BMP1: variants seen among roughly 807,000 people sequenced by gnomAD.
BMP1 encodes bone morphogenetic protein 1.
BMP1 carries 63 observed loss-of-function variants against 116.8 expected under a neutral mutation model. The ratio of observed to expected loss-of-function variants is 0.54; its 90% confidence interval spans 0.44 to 0.67. The LOEUF (loss-of-function observed/expected upper bound fraction) is 0.67. BMP1 is among the 30% of genes least tolerant of loss of function. The probability of loss-of-function intolerance (pLI) is 0.00; values close to 1 mark genes in which losing one functional copy is unlikely to be tolerated. For missense variants in BMP1, 1,183 were observed against 1,358.9 expected (o/e 0.87, Z 2.04); for synonymous variants, 536 against 533.4 (o/e 1.00, Z -0.07).
At chr8:22,184,971 TAG>T (rs549625607) in intron 8 of BMP1, among the ~76,000 whole-genome samples, 7 of 152,228 alleles carry the variant, frequency 4.6e-5, no homozygotes, top group Non-Finnish European at 1.0e-4. Context: ...ATGTGAATGA[TAG>T]GTAAATCTTG....
chr8:22,211,501 C>G (rs946892034), intron 19 of BMP1, 93 bp from the exon 20 acceptor site: 42 of 1,549,146 alleles, frequency 2.7e-5, no homozygotes, highest in Non-Finnish European at 3.6e-5. Flanking sequence ...TGCCTGGGAG[C>G]CTCCTGCCCT....
chr8:22,199,712 T>C (rs1300810072), intron 15 of BMP1, among the ~76,000 whole-genome samples: 1 of 152,070 alleles, frequency 6.6e-6, no homozygotes, highest in South Asian at 2.1e-4. Flanking sequence ...TCACTGGAGA[T>C]GTTGTCCTTA....
intron 1 of BMP1, among the ~76,000 whole-genome samples, chr8:22,172,090 C>T (rs943230676): frequency 6.6e-6 from 1 of 152,134 alleles, no homozygotes; most frequent in Non-Finnish European, 1.5e-5. Context: ...ACCAGTGAGG[C>T]CAACTGGGGA....
intron 6 of BMP1, among the ~76,000 whole-genome samples, chr8:22,178,999 C>T (rs1401492431): frequency 6.6e-6 from 1 of 152,174 alleles, no homozygotes; most frequent in Non-Finnish European, 1.5e-5. Flanking sequence ...CTTACATTTC[C>T]CACCACATCC....
At chr8:22,169,915 T>G (rs1316436147) in intron 1 of BMP1, 1 of 152,114 alleles carries the variant, frequency 6.6e-6, no homozygotes, top group Non-Finnish European at 1.5e-5. Flanking sequence ...TTATCTTGTG[T>G]TGAAAATAAC....
intron 1 of BMP1, chr8:22,170,695 C>G (rs1401996854): frequency 6.6e-6 from 1 of 152,208 alleles, no homozygotes; most frequent in Non-Finnish European, 1.5e-5. Flanking sequence ...TAGCTTATGC[C>G]TGTAATCCCA....
chr8:22,208,498 G>A (rs536836156), intron 18 of BMP1, among the ~76,000 whole-genome samples: 5 of 152,330 alleles, frequency 3.3e-5, no homozygotes, highest in African/African-American at 4.8e-5. Flanking sequence ...AAGGCACCCC[G>A]GCCTAACTGG....
chr8:22,169,783 G>A (rs1345235555), intron 1 of BMP1: 1 of 152,178 alleles, frequency 6.6e-6, no homozygotes, highest in Non-Finnish European at 1.5e-5. Flanking sequence ...CCTGGGGGAG[G>A]AGACGGTGGA....
At chr8:22,177,821 T>C (rs763847405) in intron 5 of BMP1, 31 bp from the exon 6 acceptor site, 1 of 1,467,732 alleles carries the variant, frequency 6.8e-7, no homozygotes, top group Non-Finnish European at 9.5e-7. Flanking sequence ...CCCCCTCCTC[T>C]CCCCCCACAC....
Position 22,165,568 on chromosome 8 carries a change from G to C in BMP1, c.148+15G>C. ...CTGCAAGGCGGGTGAGCGCCCCCCG[G>C]CCCCCCGGCGACGGGCCAGGCGGGG... On this transcript the variant is annotated intron_variant, in intron 1 of 19. Coordinates refer to ENST00000306385, the MANE Select transcript of BMP1 (RefSeq NM_006129.5). 6.4e-7 allele frequency: 1 copy of C among 1,570,894 alleles called. No homozygotes were observed. Among genetic ancestry groups the C allele is most frequent in the Non-Finnish European group, 8.6e-7 (1 of 1,162,674 alleles).
At chr8:22,202,058 C>T in intron 16 of BMP1, 130 bp downstream of exon 16, 1 of 1,315,454 alleles carries the variant, frequency 7.6e-7, no homozygotes, top group Non-Finnish European at 1.0e-6. Context: ...CCCCTCATTC[C>T]CCCACCCACC....
rs536903643 is a variant in BMP1, at chr8:22,198,652, C to T, written c.2107+1232C>T. 5.1e-5 allele frequency: 8 copies of T among 157,990 alleles called. No individual in the cohort carries two copies. In the South Asian group the frequency reaches 9.2e-4, roughly 18 times the overall value. The allele number at this position is 157,990 out of a possible 1,614,324, so 9.8% of individuals were successfully genotyped here. On this transcript the variant is annotated intron_variant, in intron 15 of 19. Transcript: ENST00000306385. ...GGCAGGAAGGCAGGATGCCCACGGC[C>T]GAGTCCATGCTGCCTTCCTTCTCCC...
chr8:22,194,817 G>A lies in BMP1; in HGVS notation c.1537G>A (p.Glu513Lys). ...STLIGRYCGY[E>K]KPDDIKSTSS... The stretch of plus-strand genomic sequence containing the variant: ...CCTCATCGGGCGCTACTGTGGCTAT[G>A]AGAAGCCTGATGACATCAAGAGCAC... Residue 513 changes from glutamate (E) to lysine (K), a missense_variant, in exon 12 of 20, where the codon GAG becomes AAG. Transcript: ENST00000306385. The surrounding 1 kb of genome is among the most constrained non-coding windows in gnomAD (Gnocchi z 4.5). 1 of 1,613,982 alleles carries A rather than the reference G, an allele frequency of 6.2e-7. No individual in the cohort carries two copies. Among genetic ancestry groups the A allele is most frequent in the Non-Finnish European group, 8.5e-7 (1 of 1,179,980 alleles).
chr8:22,186,909 A>G (rs2131866746), intron 8 of BMP1, among the ~76,000 whole-genome samples: 1 of 152,358 alleles, frequency 6.6e-6, no homozygotes, highest in South Asian at 2.1e-4. Context: ...ATATACATAA[A>G]GTCCCTGGAG....
chr8:22,199,075 C>T (rs1234266513), intron 15 of BMP1: 1 of 1,366,148 alleles, frequency 7.3e-7, no homozygotes, highest in Non-Finnish European at 9.8e-7. Context: ...GGAGTTACTG[C>T]TCTGCCCCCA....
chr8:22,178,972 A>C (rs1479304734), intron 6 of BMP1, among the ~76,000 whole-genome samples: 3 of 151,826 alleles, frequency 2.0e-5, no homozygotes, highest in African/African-American at 7.3e-5. Context: ...TCTGCCCCCC[A>C]CACCCACAGA....
chr8:22,194,013 G>T lies in BMP1; in HGVS notation c.1181-45G>T, dbSNP rs577385714. On this transcript the variant is annotated intron_variant, in intron 9 of 19. Coordinates refer to ENST00000306385, the MANE Select transcript of BMP1 (RefSeq NM_006129.5). This position sits in a 1 kb window ranked among gnomAD's most constrained non-coding sequence, Gnocchi z 4.5. Reference sequence around the variant, plus strand: ...TGGAGAGGTGGGGCCTCTATAGGGGGTGTCCTCAGGGTTCACCACTCTTCC... The same window carrying T: ...TGGAGAGGTGGGGCCTCTATAGGGGTTGTCCTCAGGGTTCACCACTCTTCC... 2.0e-5 allele frequency: 31 copies of T among 1,524,970 alleles called. No homozygotes were observed. The Admixed American group carries it at 4.7e-4, about 23-fold the overall frequency. 94.5% of individuals were successfully genotyped at this position (1,524,970 alleles called of 1,614,324 possible). A position where few individuals can be genotyped will look rare whatever the true frequency, so the allele number is the denominator to read the frequency against.
intron 18 of BMP1, among the ~76,000 whole-genome samples, chr8:22,208,104 A>C (rs56172754): frequency 0.19 from 29,645 of 152,092 alleles, 3,498 homozygotes; most frequent in Middle Eastern, 0.3. Flanking sequence ...GGCCAGTCTC[A>C]AACTCCTGAC....
At chr8:22,209,731 C>A in intron 19 of BMP1, 36 bp downstream of exon 19, 1 of 1,591,574 alleles carries the variant, frequency 6.3e-7, no homozygotes, top group South Asian at 1.1e-5. Flanking sequence ...TGGCCCCATG[C>A]CCCACGCCCC....
Sources: gnomAD v4.1 joint callset for allele counts (sites outside exome capture counted in the v4.1 genomes callset) on GRCh38, gnomAD v4.1.1 for gene constraint, Gnocchi (gnomAD v3.1) non-coding constraint, MANE v1.5 for transcripts, NCBI Gene and HGNC (gene_info 2026-07-23, HGNC 2026-07-21) for gene names.